Variants in PROZ observed in about 807,000 individuals in gnomAD.
The protein encoded by PROZ is vitamin K-dependent protein Z.
A neutral mutation model predicts 34.9 loss-of-function variants in PROZ; 46 were observed. The observed-to-expected ratio is 1.32, with a 90% CI of 1.04 to 1.69. The LOEUF (loss-of-function observed/expected upper bound fraction) is 1.69, where lower values mean the gene tolerates loss of function less well. PROZ is among the 40% of genes most tolerant of loss of function. The pLI is 0.00. For synonymous variants in PROZ, 195 were observed against 208.5 expected, an observed-to-expected ratio of 0.94 and a Z score of 0.56; for missense variants, 530 against 520.4, an observed-to-expected ratio of 1.02 and a Z score of -0.18.
Position 113,159,397 on chromosome 13 carries a change from C to T in PROZ, c.71-617C>T, listed in dbSNP as rs989226655. The T allele has an allele frequency of 9.6e-6, 9 of 939,618 alleles. No individual in the cohort carries two copies. The highest frequency in any genetic ancestry group is 1.5e-5 in the Non-Finnish European group (9 of 617,556). The allele number at this position is 939,618 out of a possible 1,614,324, so 58.2% of individuals were successfully genotyped here. ...CCGTAGCCGGACTTAGCTGAGCCCCCCCTGCTGTAACCCTCAGCACCGAGA... is the reference window on the plus strand; with the variant it reads ...CCGTAGCCGGACTTAGCTGAGCCCCTCCTGCTGTAACCCTCAGCACCGAGA... On this transcript the variant is annotated intron_variant, in intron 1 of 7. Coordinates refer to ENST00000375547, the MANE Select transcript of PROZ (RefSeq NM_003891.3). The surrounding 1 kb of genome is among the most constrained non-coding windows in gnomAD (Gnocchi z 4.6).
intron 7 of PROZ, among the ~76,000 whole-genome samples, chr13:113,170,993 G>A (rs1029792699): frequency 4.6e-5 from 7 of 151,864 alleles, no homozygotes; most frequent in African/African-American, 1.7e-4. Context: ...CATGATCCAG[G>A]CTCACTGCAA....
At position 113,159,486 on chromosome 13, in the gene PROZ, T is replaced by G. The variant is rs951815583; in HGVS notation, c.71-528T>G. ...CTCCCGGAGAGGGAGAGAACATGCT[T>G]TGGGACCCTCAGGTGGGAAGAGGCT... On this transcript the variant is annotated intron_variant, in intron 1 of 7. Transcript: ENST00000375547. This position sits in a 1 kb window ranked among gnomAD's most constrained non-coding sequence, Gnocchi z 4.6. Among the ~76,000 whole-genome samples, 3 of 151,980 alleles carry G rather than the reference T, an allele frequency of 2.0e-5. No homozygotes were observed.
rs543047808 is a variant in PROZ, at chr13:113,172,353, T to C, written c.*248T>C. Reference sequence around the variant, plus strand: ...AAAAGAAAACATGAGATACGTTAAATAATAAAATAAGATAATCTGTCAGTC... The same window carrying C: ...AAAAGAAAACATGAGATACGTTAAACAATAAAATAAGATAATCTGTCAGTC... On this transcript the variant is annotated 3_prime_UTR_variant, in exon 8 of 8. Coordinates refer to ENST00000375547, the MANE Select transcript of PROZ (RefSeq NM_003891.3). The C allele has an allele frequency of 1.8e-6, 1 of 541,532 alleles. No individual in the cohort carries two copies. Among genetic ancestry groups the C allele is most frequent in the East Asian group, 3.3e-5 (1 of 30,008 alleles). The allele number at this position is 541,532 out of a possible 1,614,324, so 33.5% of individuals were successfully genotyped here. A position where few individuals can be genotyped will look rare whatever the true frequency, so the allele number is the denominator to read the frequency against.
rs774411346 is a variant in PROZ, at chr13:113,163,056, C to T, written c.307C>T (p.Gln103Ter). Residue 103 changes from glutamine (Q) to a stop codon, truncating the protein, a stop_gained, in exon 4 of 8, where the codon CAG (glutamine) becomes TAG (stop). Coordinates refer to ENST00000375547, the MANE Select transcript of PROZ (RefSeq NM_003891.3). LOFTEE classifies it high-confidence loss of function. ...SQPCLHNGSC[Q>*]DSIWGYTCTC... ...GCCCTGCCTCCACAACGGCTCTTGC[C>T]AGGACAGCATCTGGGGCTACACCTG... 1 of 1,563,892 alleles carries T rather than the reference C, an allele frequency of 6.4e-7. No homozygotes were observed. Among genetic ancestry groups the T allele is most frequent in the South Asian group, 1.2e-5 (1 of 84,918 alleles).
intron 6 of PROZ, among the ~76,000 whole-genome samples, chr13:113,169,907 C>CGGACTCTGTTCTGCA (rs912119083): frequency 2.0e-5 from 3 of 152,360 alleles, no homozygotes; most frequent in African/African-American, 7.2e-5. Flanking sequence ...TCTCCTCTGC[C>CGGACTCTGTTCTGCA]GGACTCTGTT....
At chr13:113,164,777 G>A (rs535631174) in intron 5 of PROZ, 133 bp downstream of exon 5, 27 of 1,385,464 alleles carry the variant, frequency 1.9e-5, no homozygotes, top group South Asian at 1.7e-4. Flanking sequence ...AAGGTGGTCC[G>A]CGTCTCCACG....
chr13:113,172,352 A>G lies in PROZ; in HGVS notation c.*247A>G. On this transcript the variant is annotated 3_prime_UTR_variant, in exon 8 of 8. Transcript: ENST00000375547. The stretch of plus-strand genomic sequence containing the variant: ...TAAAAGAAAACATGAGATACGTTAA[A>G]TAATAAAATAAGATAATCTGTCAGT... 1.8e-6 allele frequency: 1 copy of G among 541,476 alleles called. No individual in the cohort carries two copies. The highest frequency in any genetic ancestry group is 3.3e-6 in the Non-Finnish European group (1 of 302,636). The allele number at this position is 541,476 out of a possible 1,614,324, so 33.5% of individuals were successfully genotyped here.
chr13:113,163,184 C>G, intron 4 of PROZ, 62 bp downstream of exon 4: 1 of 1,360,178 alleles, frequency 7.4e-7, no homozygotes, highest in African/African-American at 1.4e-5. Flanking sequence ...CTCACATCCT[C>G]GGCCAGAGTC....
Position 113,171,671 on chromosome 13 carries a change from G to C in PROZ, c.769G>C (p.Ala257Pro), listed in dbSNP as rs189464617. 1 of 1,614,034 alleles carries C rather than the reference G, an allele frequency of 6.2e-7. No homozygotes were observed. The highest frequency in any genetic ancestry group is 1.7e-5 in the Admixed American group (1 of 60,032). ...TGTGCACATGCGGTATGACGCGGAC[G>C]CGGGGGAGAATGACCTGTCACTGCT... Reference protein sequence around the residue: ...VHVHMRYDADAGENDLSLLEL... With the variant: ...VHVHMRYDADPGENDLSLLEL... The change falls in exon 8 of 8, where the codon GCG becomes CCG. Residue 257 changes from alanine to proline, a missense_variant. Coordinates refer to ENST00000375547, the MANE Select transcript of PROZ (RefSeq NM_003891.3). This position sits in a 1 kb window ranked among gnomAD's most constrained non-coding sequence, Gnocchi z 5.1.
rs763474244 is a variant in PROZ at position 113,159,308 on chromosome 13, C to T, written c.70+578C>T. On this transcript the variant is annotated intron_variant, in intron 1 of 7. Coordinates refer to ENST00000375547, the MANE Select transcript of PROZ (RefSeq NM_003891.3). The surrounding 1 kb of genome is among the most constrained non-coding windows in gnomAD (Gnocchi z 4.6). ...CATCCCCGCTGGCCCCATGGTCTCC[C>T]GCTGGCCCCATGGTCTCCCACCCTG... The T allele has an allele frequency of 6.2e-5, 93 of 1,499,192 alleles. No individual in the cohort carries two copies. The highest frequency in any genetic ancestry group is 4.7e-4 in the Admixed American group (24 of 50,890). The allele number at this position is 1,499,192 out of a possible 1,614,324, so 92.9% of individuals were successfully genotyped here. A position where few individuals can be genotyped will look rare whatever the true frequency, so the allele number is the denominator to read the frequency against.
At chr13:113,169,416 A>C (rs1307116147) in intron 6 of PROZ, among the ~76,000 whole-genome samples, 1 of 152,122 alleles carries the variant, frequency 6.6e-6, no homozygotes, top group Admixed American at 6.5e-5. Context: ...GTGCTGACTC[A>C]GTTTTGGGAT....
chr13:113,163,243 G>T (rs556611649), intron 4 of PROZ, 121 bp downstream of exon 4: 2 of 842,818 alleles, frequency 2.4e-6, no homozygotes, highest in Non-Finnish European at 3.9e-6. Context: ...TGTGTGAACC[G>T]CGATTTGGCT....
intron 6 of PROZ, among the ~76,000 whole-genome samples, chr13:113,168,922 T>G (rs2037027690): frequency 1.3e-5 from 2 of 151,962 alleles, no homozygotes; most frequent in African/African-American, 2.4e-5. Flanking sequence ...AGAGATGGGG[T>G]CTTGCTATGT....
At chr13:113,160,733 C>T (rs547421583) in intron 2 of PROZ, among the ~76,000 whole-genome samples, 1 of 151,952 alleles carries the variant, frequency 6.6e-6, no homozygotes, top group South Asian at 2.1e-4. Context: ...GTGGTAAGCA[C>T]ATGTTGAGTA....
At position 113,170,544 on chromosome 13, in the gene PROZ, C is replaced by A; in HGVS notation, c.691+14C>A. 1 of 1,463,188 alleles carries A rather than the reference C, an allele frequency of 6.8e-7. No homozygotes were observed. The highest frequency in any genetic ancestry group is 9.6e-7 in the Non-Finnish European group (1 of 1,043,280). 90.6% of individuals were successfully genotyped at this position (1,463,188 alleles called of 1,614,324 possible). A position where few individuals can be genotyped will look rare whatever the true frequency, so the allele number is the denominator to read the frequency against. On this transcript the variant is annotated intron_variant, in intron 7 of 7. Coordinates refer to ENST00000375547, the MANE Select transcript of PROZ (RefSeq NM_003891.3). ...CTGTAAAAACATGTAAGTATTTTAT[C>A]ATGAGTTTTTATAAAACCACATTGG...
chr13:113,159,336 A>G lies in PROZ; in HGVS notation c.70+606A>G. Reference sequence around the variant, plus strand: ...TGGCCCCATGGTCTCCCACCCTGAGAGGGTGATCCCCCCGCCCTGCCCTGC... The same window carrying G: ...TGGCCCCATGGTCTCCCACCCTGAGGGGGTGATCCCCCCGCCCTGCCCTGC... On this transcript the variant is annotated intron_variant, in intron 1 of 7. Transcript: ENST00000375547. The surrounding 1 kb of genome is among the most constrained non-coding windows in gnomAD (Gnocchi z 4.6). The G allele has an allele frequency of 1.4e-6, 2 of 1,435,640 alleles. No homozygotes were observed. The highest frequency in any genetic ancestry group is 1.2e-5 in the South Asian group (1 of 81,620). 88.9% of individuals were successfully genotyped at this position (1,435,640 alleles called of 1,614,324 possible).
At chr13:113,165,611 A>G (rs2138589404) in intron 6 of PROZ, among the ~76,000 whole-genome samples, 1 of 152,238 alleles carries the variant, frequency 6.6e-6, no homozygotes, top group African/African-American at 2.4e-5. Context: ...GCTCACTGCA[A>G]CCTCTGCCTC....
chr13:113,171,018 G>A lies in PROZ; in HGVS notation c.691+488G>A, dbSNP rs946385477. ...GCTCACTGCAACCTCTGCCTCCTGG[G>A]TTCAAGCGATTCTCATGCCTCAGCC... On this transcript the variant is annotated intron_variant, in intron 7 of 7. Coordinates refer to ENST00000375547, the MANE Select transcript of PROZ (RefSeq NM_003891.3). The surrounding 1 kb of genome is among the most constrained non-coding windows in gnomAD (Gnocchi z 5.1). Among the ~76,000 whole-genome samples, 1 of 151,968 alleles carries A rather than the reference G, an allele frequency of 6.6e-6. No homozygotes were observed. The highest frequency in any genetic ancestry group is 1.5e-5 in the Non-Finnish European group (1 of 68,010).
In PROZ at chr13:113,171,576, G is replaced by C; in HGVS notation, c.692-18G>C. ...GAAAATCAGACTGTAAAGAACTGAC[G>C]ATTGTTCATGATTTCAGATTTTAAC... On this transcript the variant is annotated intron_variant, in intron 7 of 7. Coordinates refer to ENST00000375547, the MANE Select transcript of PROZ (RefSeq NM_003891.3). This position sits in a 1 kb window ranked among gnomAD's most constrained non-coding sequence, Gnocchi z 5.1. 6.2e-6 allele frequency: 10 copies of C among 1,613,910 alleles called. No homozygotes were observed. Among genetic ancestry groups the C allele is most frequent in the Non-Finnish European group, 8.5e-6 (10 of 1,180,006 alleles).
Sources: allele counts gnomAD v4.1 joint callset (sites outside exome capture counted in the v4.1 genomes callset), GRCh38; gene constraint gnomAD v4.1.1; non-coding constraint Gnocchi (gnomAD v3.1); transcripts MANE v1.5; gene names NCBI Gene and HGNC (gene_info 2026-07-23, HGNC 2026-07-21).